Variants in CACNA1A observed in about 807,000 individuals in gnomAD.
The protein encoded by CACNA1A is calcium voltage-gated channel subunit alpha1 A.
CACNA1A carries 57 observed loss-of-function variants against 262.4 expected under a neutral mutation model. The observed-to-expected ratio is 0.22, with a 90% confidence interval of 0.18 to 0.27. The LOEUF (loss-of-function observed/expected upper bound fraction) is 0.27, where lower values mean the gene tolerates loss of function less well. Ranked by LOEUF, CACNA1A falls within the 10% of genes least tolerant of loss-of-function variation. The pLI is 1.00. For missense variants in CACNA1A, 2,526 were observed against 3,562.8 expected (o/e 0.71, Z 7.41); for synonymous variants, 1,431 against 1,419.3 (o/e 1.01, Z -0.18).
intron 6 of CACNA1A, among the ~76,000 whole-genome samples, chr19:13,336,420 C>T (rs10403545): frequency 0.026 from 3,968 of 152,008 alleles, 185 homozygotes; most frequent in African/African-American, 0.091. Flanking sequence ...ATGCCAATCA[C>T]AAAAAATTCT....
chr19:13,250,380 T>C (rs140918436), intron 30 of CACNA1A, among the ~76,000 whole-genome samples: 355 of 149,692 alleles, frequency 2.4e-3, no homozygotes, highest in African/African-American at 8.3e-3. Flanking sequence ...TAAAAAATAA[T>C]TTTAATTTAA....
Position 13,298,767 on chromosome 19 carries a change from G to T in CACNA1A, c.2866C>A (p.Arg956=), listed in dbSNP as rs1245624754. 6.6e-7 allele frequency: 1 copy of T among 1,520,838 alleles called. No individual in the cohort carries two copies. 94.2% of individuals were successfully genotyped at this position (1,520,838 alleles called of 1,614,324 possible). ...GGCCTGCGGTGCGCGCGATGACGTC[G>T]ATGCTCCCCGTCCGCGCCCGTGCGC... is the stretch of plus-strand genomic sequence containing the variant. ...SPRTGADGEH[R]RHRAHRRPGE... Residue 956 remains arginine (R), a synonymous_variant, in exon 19 of 47, where the codon CGA becomes AGA. Coordinates refer to ENST00000360228, the MANE Select transcript of CACNA1A (RefSeq NM_001127222.2).
At chr19:13,467,623 G>A (rs1442739545) in intron 1 of CACNA1A, among the ~76,000 whole-genome samples, 5 of 131,142 alleles carry the variant, frequency 3.8e-5, no homozygotes, top group African/African-American at 1.6e-4. Context: ...TTTTTTTTGT[G>A]AGACAGAGTC....
intron 11 of CACNA1A, among the ~76,000 whole-genome samples, chr19:13,313,372 T>C (rs2058069506): frequency 6.6e-6 from 1 of 151,948 alleles, no homozygotes; most frequent in African/African-American, 2.4e-5. Flanking sequence ...TGGTGACACA[T>C]GCCTGTAAAC....
At chr19:13,234,437 A>T (rs550974752) in intron 34 of CACNA1A, among the ~76,000 whole-genome samples, 19 of 151,848 alleles carry the variant, frequency 1.3e-4, no homozygotes, top group African/African-American at 4.6e-4. Context: ...CAAGATGATG[A>T]ACCAAAGAAT....
At chr19:13,216,953 G>A (rs1211199392) in intron 38 of CACNA1A, among the ~76,000 whole-genome samples, 1 of 152,118 alleles carries the variant, frequency 6.6e-6, no homozygotes, top group Non-Finnish European at 1.5e-5. Context: ...GGTCAACATG[G>A]TGAAACCAGT....
chr19:13,452,239 T>C (rs2060930046), intron 3 of CACNA1A: 2 of 152,160 alleles, frequency 1.3e-5, no homozygotes, highest in Admixed American at 6.5e-5. Context: ...TCATACAGGG[T>C]GCTTAGAGGA....
chr19:13,447,567 TAA>T (rs1377284078), intron 3 of CACNA1A, among the ~76,000 whole-genome samples: 1 of 152,156 alleles, frequency 6.6e-6, no homozygotes, highest in Non-Finnish European at 1.5e-5. Context: ...AATCACAAGG[TAA>T]AGTCCCACGA....
intron 24 of CACNA1A, among the ~76,000 whole-genome samples, chr19:13,266,125 T>C (rs2056855792): frequency 6.6e-6 from 1 of 152,204 alleles, no homozygotes; most frequent in African/African-American, 2.4e-5. Context: ...ATTATAGGTG[T>C]GAGCCACCAT....
chr19:13,363,940 A>G (rs950720736), intron 5 of CACNA1A: 1 of 152,284 alleles, frequency 6.6e-6, no homozygotes, highest in Admixed American at 6.5e-5. Flanking sequence ...GCAAGCAGCT[A>G]GAGTTTGGAT....
chr19:13,286,011 C>G (rs1452833998), intron 20 of CACNA1A, among the ~76,000 whole-genome samples: 1 of 137,142 alleles, frequency 7.3e-6, no homozygotes, highest in Admixed American at 8.1e-5. Context: ...GGCTGCAGTA[C>G]AGAGGTGCCA....
intron 31 of CACNA1A, among the ~76,000 whole-genome samples, chr19:13,240,809 G>C (rs2056059964): frequency 6.6e-6 from 1 of 152,150 alleles, no homozygotes; most frequent in Non-Finnish European, 1.5e-5. Context: ...CACAGTGACT[G>C]TGTGTGCAGT....
chr19:13,249,312 C>G (rs947271352), intron 30 of CACNA1A, among the ~76,000 whole-genome samples: 1 of 151,980 alleles, frequency 6.6e-6, no homozygotes, highest in African/African-American at 2.4e-5. Context: ...ATGAAAGCCA[C>G]TGTTTTGGAG....
intron 38 of CACNA1A, among the ~76,000 whole-genome samples, chr19:13,218,518 C>T (rs1019386728): frequency 1.3e-5 from 2 of 152,184 alleles, no homozygotes; most frequent in East Asian, 1.9e-4. Flanking sequence ...ACTGGAAGCT[C>T]GCACCTGGTG....
intron 15 of CACNA1A, among the ~76,000 whole-genome samples, chr19:13,304,499 G>A (rs932099576): frequency 9.2e-5 from 14 of 152,014 alleles, no homozygotes; most frequent in African/African-American, 3.4e-4. Context: ...GTGCCCATCT[G>A]TAGTCCCAGC....
In CACNA1A at chr19:13,240,727, CTGCAGTGACTGCGTGCAGCGTCTGTG is replaced by C. The variant is rs1228363302; in HGVS notation, c.4950+4429_4950+4454del. Among the ~76,000 whole-genome samples the C allele has an allele frequency of 4.6e-5, 6 of 129,068 alleles. No individual in the cohort carries two copies. In the Admixed American group the frequency reaches 5.0e-4, roughly 11 times the overall value. The allele number at this position is 129,068 out of a possible 152,430, so 84.7% of individuals were successfully genotyped here. ...TGTGCATAGTGACTGTGTGCAGTGACTGCAGTGACTGCGTGCAGCGTCTGTGTGCAGTGACTGTGTGCACAGTGTGT... is the reference window on the plus strand; with the variant it reads ...TGTGCATAGTGACTGTGTGCAGTGACTGCAGTGACTGTGTGCACAGTGTGT... On this transcript the variant is annotated intron_variant, in intron 31 of 46. Coordinates refer to ENST00000360228, the MANE Select transcript of CACNA1A (RefSeq NM_001127222.2).
In CACNA1A at chr19:13,209,505, G is replaced by T. The variant is rs765609971; in HGVS notation, c.6340-7C>A. On this transcript the variant is annotated splice_region_variant and splice_polypyrimidine_tract_variant and intron_variant, in intron 44 of 46. Coordinates refer to ENST00000360228, the MANE Select transcript of CACNA1A (RefSeq NM_001127222.2). ...GGCTGGTGTCTGAGATGGTCTGGGGGAGGGGACAGGCCGGTGGGCTGGGGT... is the reference window on the plus strand; with the variant it reads ...GGCTGGTGTCTGAGATGGTCTGGGGTAGGGGACAGGCCGGTGGGCTGGGGT... The T allele has an allele frequency of 2.5e-5, 32 of 1,304,448 alleles. No homozygotes were observed. The highest frequency in any genetic ancestry group is 1.8e-5 in the Non-Finnish European group (18 of 1,019,228). 80.8% of individuals were successfully genotyped at this position (1,304,448 alleles called of 1,614,324 possible).
In CACNA1A at chr19:13,212,776, G is replaced by T; in HGVS notation, c.5941-36C>A. ...GGGCAGAGAGCAGTGTGTGGACAAGGGTGGGGTGGTGGGACGGTGGTACCC... is the reference window on the plus strand; with the variant it reads ...GGGCAGAGAGCAGTGTGTGGACAAGTGTGGGGTGGTGGGACGGTGGTACCC... On this transcript the variant is annotated intron_variant, in intron 40 of 46. Transcript: ENST00000360228. This position sits in a 1 kb window ranked among gnomAD's most constrained non-coding sequence, Gnocchi z 5.6. The T allele has an allele frequency of 9.2e-7, 1 of 1,091,282 alleles. No homozygotes were observed. Among genetic ancestry groups the T allele is most frequent in the Admixed American group, 2.8e-5 (1 of 35,288 alleles). 67.6% of individuals were successfully genotyped at this position (1,091,282 alleles called of 1,614,324 possible).
intron 3 of CACNA1A, among the ~76,000 whole-genome samples, chr19:13,412,830 T>C (rs1421028540): frequency 6.6e-6 from 1 of 152,178 alleles, no homozygotes; most frequent in African/African-American, 2.4e-5. Context: ...AAAAATAACA[T>C]TTGTTTGGTA....
Sources: allele counts gnomAD v4.1 joint callset (sites outside exome capture counted in the v4.1 genomes callset), GRCh38; gene constraint gnomAD v4.1.1; non-coding constraint Gnocchi (gnomAD v3.1); transcripts MANE v1.5; gene names NCBI Gene and HGNC (gene_info 2026-07-23, HGNC 2026-07-21).